The following PLEKHA6 variants were observed in gnomAD, a reference collection of about 807,000 sequenced individuals.
The protein encoded by PLEKHA6 is pleckstrin homology domain containing A6.
In PLEKHA6, 60 loss-of-function variants were observed where a neutral mutation model predicts 116.7. That is an observed-to-expected ratio of 0.51 (90% CI 0.42 to 0.64). The LOEUF is 0.64. PLEKHA6 is among the 30% of genes least tolerant of loss of function. PLEKHA6 has a pLI of 0.00. For missense variants in PLEKHA6, 1,338 were observed against 1,422.7 expected (o/e 0.94, Z 0.96); for synonymous variants, 489 against 556.1 (o/e 0.88, Z 1.70).
At chr1:204,356,405 A>G (rs1673417315) in intron 1 of PLEKHA6, among the ~76,000 whole-genome samples, 1 of 152,084 alleles carries the variant, frequency 6.6e-6, no homozygotes, top group Non-Finnish European at 1.5e-5. Context: ...AACTCTATCA[A>G]AAATACATAA....
intron 1 of PLEKHA6, chr1:204,307,865 G>A (rs1671452136): frequency 1.0e-6 from 1 of 985,282 alleles, no homozygotes; most frequent in East Asian, 1.1e-4. Context: ...TTCAAGTCCA[G>A]GTGCTTAAGT....
At chr1:204,224,950 G>A (rs1374986660) in intron 21 of PLEKHA6, among the ~76,000 whole-genome samples, 4 of 152,198 alleles carry the variant, frequency 2.6e-5, no homozygotes, top group South Asian at 2.1e-4. Flanking sequence ...GACATGCAGC[G>A]AGGCTCTCAG....
intron 1 of PLEKHA6, among the ~76,000 whole-genome samples, chr1:204,286,654 T>C (rs1669208217): frequency 6.6e-6 from 1 of 152,100 alleles, no homozygotes; most frequent in Admixed American, 6.5e-5. Flanking sequence ...TAGCAGAGCA[T>C]TAAACCAAGC....
chr1:204,330,568 A>G (rs923124944), intron 1 of PLEKHA6, among the ~76,000 whole-genome samples: 6 of 152,202 alleles, frequency 3.9e-5, no homozygotes, highest in Non-Finnish European at 7.3e-5. Context: ...AAACTCCTCT[A>G]AGCTGGCCAG....
At position 204,221,581 on chromosome 1, in the gene PLEKHA6, C is replaced by A. The variant is rs1266377150; in HGVS notation, c.*1207G>T. 1 of 152,638 alleles carries A rather than the reference C, an allele frequency of 6.6e-6. No homozygotes were observed. The highest frequency in any genetic ancestry group is 2.1e-4 in the South Asian group (1 of 4,828). The allele number at this position is 152,638 out of a possible 1,614,324, so 9.5% of individuals were successfully genotyped here. On this transcript the variant is annotated 3_prime_UTR_variant, in exon 23 of 23. Coordinates refer to ENST00000272203, the MANE Select transcript of PLEKHA6 (RefSeq NM_014935.5). The stretch of plus-strand genomic sequence containing the variant: ...CTCCCAGATTAAGGCCTCATCCCCC[C>A]TCCTCAAGGCGTACTCTCAGCTGGC...
At chr1:204,281,892 C>T (rs983990651) in intron 1 of PLEKHA6, among the ~76,000 whole-genome samples, 7 of 152,152 alleles carry the variant, frequency 4.6e-5, no homozygotes, top group South Asian at 2.1e-4. Context: ...CCAGCCACAC[C>T]GCACCCCCAG....
intron 1 of PLEKHA6, among the ~76,000 whole-genome samples, chr1:204,372,232 C>T (rs898041176): frequency 6.6e-6 from 1 of 152,188 alleles, no homozygotes; most frequent in Non-Finnish European, 1.5e-5. Context: ...AGATCTGTCC[C>T]TAGATTCAGA....
chr1:204,256,623 C>G (rs1354668706), intron 9 of PLEKHA6, among the ~76,000 whole-genome samples: 4 of 152,168 alleles, frequency 2.6e-5, no homozygotes, highest in African/African-American at 9.7e-5. Context: ...TGGCACCAAA[C>G]TTGATACTGG....
At chr1:204,315,049 C>T (rs992156966) in intron 1 of PLEKHA6, among the ~76,000 whole-genome samples, 1 of 152,198 alleles carries the variant, frequency 6.6e-6, no homozygotes, top group African/African-American at 2.4e-5. Context: ...GGGAGAATGA[C>T]AGCCCTGTCC....
intron 17 of PLEKHA6, among the ~76,000 whole-genome samples, chr1:204,234,977 T>G (rs1216814374): frequency 7.0e-5 from 1 of 14,278 alleles, no homozygotes; most frequent in Non-Finnish European, 1.2e-4. Flanking sequence ...TATATATATA[T>G]ATATATATAT....
chr1:204,288,617 A>G (rs1669440808), intron 1 of PLEKHA6, among the ~76,000 whole-genome samples: 1 of 152,192 alleles, frequency 6.6e-6, no homozygotes, highest in Non-Finnish European at 1.5e-5. Context: ...CTGGGATGGG[A>G]AGCAGTGGGA....
At chr1:204,373,284 G>A (rs748903441) in intron 1 of PLEKHA6, among the ~76,000 whole-genome samples, 4 of 152,050 alleles carry the variant, frequency 2.6e-5, no homozygotes, top group Non-Finnish European at 5.9e-5. Context: ...TAGAGACGGA[G>A]TTTCACCATG....
At chr1:204,346,130 C>G (rs994822219) in intron 1 of PLEKHA6, among the ~76,000 whole-genome samples, 1 of 152,184 alleles carries the variant, frequency 6.6e-6, no homozygotes, top group Non-Finnish European at 1.5e-5. Flanking sequence ...TGGATAGCCC[C>G]CTCCTCAATC....
intron 1 of PLEKHA6, chr1:204,282,596 A>C: frequency 2.1e-6 from 2 of 959,640 alleles, no homozygotes; most frequent in Non-Finnish European, 2.5e-6. Flanking sequence ...CTGGTTGATG[A>C]ATTATTGAAT....
chr1:204,260,251 C>T (rs1490553475), intron 7 of PLEKHA6, among the ~76,000 whole-genome samples: 1 of 152,184 alleles, frequency 6.6e-6, no homozygotes, highest in Admixed American at 6.5e-5. Context: ...GCAGAATGGG[C>T]ATAATAATAG....
chr1:204,313,529 A>G (rs1274856331), intron 1 of PLEKHA6: 10 of 976,708 alleles, frequency 1.0e-5, no homozygotes, highest in Middle Eastern at 1.0e-3. Flanking sequence ...ACAAGATGTT[A>G]CTATTGAAGA....
At chr1:204,245,203 G>T (rs1663465426) in intron 14 of PLEKHA6, among the ~76,000 whole-genome samples, 200 bp from the exon 15 acceptor site, 1 of 152,136 alleles carries the variant, frequency 6.6e-6, no homozygotes, top group Non-Finnish European at 1.5e-5. Context: ...TGAGAGGTGT[G>T]CTGGGTGGGG....
rs963948585 is a variant in PLEKHA6, at chr1:204,238,588, G to A, written c.2409+2787C>T. Among the ~76,000 whole-genome samples, 4 of 152,088 alleles carry A rather than the reference G, an allele frequency of 2.6e-5. No individual in the cohort carries two copies. The highest frequency in any genetic ancestry group is 2.0e-4 in the Admixed American group (3 of 15,278). ...AAGTGGTATATATGTGATCAGGCTC[G>A]AGCAGGTCCTGAAGGCACAAGTAAG... On this transcript the variant is annotated intron_variant, in intron 17 of 22. Transcript: ENST00000272203. This position sits in a 1 kb window ranked among gnomAD's most constrained non-coding sequence, Gnocchi z 4.2.
intron 1 of PLEKHA6, among the ~76,000 whole-genome samples, chr1:204,329,639 C>A (rs1020011485): frequency 4.6e-5 from 7 of 152,112 alleles, no homozygotes; most frequent in Non-Finnish European, 8.8e-5. Flanking sequence ...ATTAAAGGAA[C>A]CTGAATTTGA....
Sources: allele counts gnomAD v4.1 joint callset (sites outside exome capture counted in the v4.1 genomes callset), GRCh38; gene constraint gnomAD v4.1.1; non-coding constraint Gnocchi (gnomAD v3.1); transcripts MANE v1.5; gene names NCBI Gene and HGNC (gene_info 2026-07-23, HGNC 2026-07-21).